Variants in ALMS1 observed in about 807,000 individuals in gnomAD.
ALMS1 encodes centrosome-associated protein ALMS1.
ALMS1 carries 271 observed loss-of-function variants against 352.2 expected under a neutral mutation model. The ratio of observed to expected loss-of-function variants is 0.77; its 90% CI spans 0.70 to 0.85. The LOEUF is 0.85. Among genes scored for constraint, ALMS1 ranks in the 40% least tolerant of loss-of-function variants. The probability of loss-of-function intolerance (pLI) is 0.00; values close to 1 mark genes in which losing one functional copy is unlikely to be tolerated. For missense variants in ALMS1, 5,445 were observed against 4,870.7 expected, an observed-to-expected ratio of 1.12 and a Z score of -3.51; for synonymous variants, 1,865 against 1,761.2, an observed-to-expected ratio of 1.06 and a Z score of -1.48.
intron 9 of ALMS1, among the ~76,000 whole-genome samples, chr2:73,464,414 C>T (rs1012741655): frequency 9.2e-5 from 14 of 152,166 alleles, no homozygotes; most frequent in African/African-American, 3.1e-4. Context: ...GCTAGAAACT[C>T]TCAATAAATG....
intron 11 of ALMS1, among the ~76,000 whole-genome samples, chr2:73,526,775 T>G (rs1041613887): frequency 6.6e-6 from 1 of 152,170 alleles, no homozygotes; most frequent in South Asian, 2.1e-4. Flanking sequence ...TTCTCTTGTC[T>G]GATTGCTCGA....
At chr2:73,540,393 T>C (rs1014295454) in intron 12 of ALMS1, among the ~76,000 whole-genome samples, 44 of 152,238 alleles carry the variant, frequency 2.9e-4, no homozygotes, top group Admixed American at 1.3e-3. Context: ...AAGGAACAAC[T>C]GGTACCAGCC....
At chr2:73,492,143 T>C (rs558435549) in intron 10 of ALMS1, among the ~76,000 whole-genome samples, 15 of 152,364 alleles carry the variant, frequency 9.8e-5, no homozygotes, top group African/African-American at 1.4e-4. Context: ...AGCCCAATTT[T>C]AGCACATTGC....
chr2:73,602,074 G>A, intron 19 of ALMS1, 111 bp from the exon 20 acceptor site: 1 of 1,129,912 alleles, frequency 8.9e-7, no homozygotes, highest in Non-Finnish European at 1.3e-6. Context: ...CTCGGCATTT[G>A]AATCAGACTT....
chr2:73,483,645 G>A (rs953380919), intron 9 of ALMS1, among the ~76,000 whole-genome samples: 26 of 151,232 alleles, frequency 1.7e-4, no homozygotes, highest in African/African-American at 5.4e-4. Flanking sequence ...TTTCTGTCTC[G>A]TTGATCTGTC....
At chr2:73,597,555 T>A (rs1351681805) in intron 16 of ALMS1, among the ~76,000 whole-genome samples, 1 of 152,198 alleles carries the variant, frequency 6.6e-6, no homozygotes, top group African/African-American at 2.4e-5. Flanking sequence ...TTCCCTTTTT[T>A]AAGGAGAAAA....
At chr2:73,543,029 T>C (rs1436843781) in intron 12 of ALMS1, among the ~76,000 whole-genome samples, 1 of 152,064 alleles carries the variant, frequency 6.6e-6, no homozygotes, top group Non-Finnish European at 1.5e-5. Flanking sequence ...AAAGTTCATA[T>C]GGAACAAAAA....
At chr2:73,552,258 C>T (rs936942451) in intron 13 of ALMS1, among the ~76,000 whole-genome samples, 1 of 152,106 alleles carries the variant, frequency 6.6e-6, no homozygotes, top group African/African-American at 2.4e-5. Context: ...TTATAAATCC[C>T]TTTTGAAATA....
At chr2:73,443,761 G>A (rs1349218248) in intron 7 of ALMS1, among the ~76,000 whole-genome samples, 3 of 152,106 alleles carry the variant, frequency 2.0e-5, no homozygotes, top group Admixed American at 1.3e-4. Context: ...ACTGGGGGAG[G>A]GGTAGAATAA....
At position 73,449,685 on chromosome 2, in the gene ALMS1, G is replaced by A. The variant is rs1181119258; in HGVS notation, c.3158G>A (p.Arg1053Lys). 1 of 1,614,042 alleles carries A rather than the reference G, an allele frequency of 6.2e-7. No homozygotes were observed. Among genetic ancestry groups the A allele is most frequent in the East Asian group, 2.2e-5 (1 of 44,880 alleles). Reference protein sequence around the residue: ...PAVQSSSYPQREKPSVLYPQV... With the variant: ...PAVQSSSYPQKEKPSVLYPQV... ...GTACAGTCTAGTTCTTACCCACAGA[G>A]GGAGAAGCCTAGTGTTTTGTACCCA... Residue 1053 changes from arginine to lysine, a missense_variant, in exon 8 of 23, where the codon AGG becomes AAG. Physicochemically the swap from Arg to Lys is conservative, Grantham distance 26. Transcript: ENST00000613296.
chr2:73,587,034 AGTT>A (rs1330291607), intron 16 of ALMS1, among the ~76,000 whole-genome samples: 1 of 151,480 alleles, frequency 6.6e-6, no homozygotes, highest in East Asian at 1.9e-4. Context: ...TTTGTTTTGC[AGTT>A]GTTGTAAAAG....
chr2:73,461,223 A>G (rs754234359), intron 9 of ALMS1, among the ~76,000 whole-genome samples: 41 of 152,104 alleles, frequency 2.7e-4, no homozygotes, highest in Non-Finnish European at 5.7e-4. Flanking sequence ...ACGACCGGGT[A>G]CTCCTCTGAG....
At chr2:73,433,205 A>T (rs1671545826) in intron 7 of ALMS1, among the ~76,000 whole-genome samples, 1 of 152,206 alleles carries the variant, frequency 6.6e-6, no homozygotes, top group South Asian at 2.1e-4. Context: ...TAATATTGTC[A>T]GCCTGTATAG....
chr2:73,408,737 G>A lies in ALMS1; in HGVS notation c.440G>A (p.Gly147Glu). The part of the protein sequence containing the change: ...CLETTAQRGS[G>E]DDQKTESWHC... The stretch of plus-strand genomic sequence containing the variant: ...GAAACAACAGCTCAGCGGGGTTCTG[G>A]GGATGATCAGGTATGTCTTCTGTAA... The change falls in exon 2 of 23, where the codon GGG becomes GAG. Residue 147 changes from glycine (G) to glutamate (E), a missense_variant. By Grantham distance (98) the Gly-to-Glu change is moderately conservative. Transcript: ENST00000613296. The A allele has an allele frequency of 6.2e-7, 1 of 1,613,066 alleles. No homozygotes were observed. The highest frequency in any genetic ancestry group is 8.5e-7 in the Non-Finnish European group (1 of 1,179,688).
At chr2:73,554,796 A>G (rs1674510004) in intron 13 of ALMS1, among the ~76,000 whole-genome samples, 1 of 152,212 alleles carries the variant, frequency 6.6e-6, no homozygotes, top group Non-Finnish European at 1.5e-5. Context: ...GGGTAAGGTT[A>G]TATACACTTG....
At chr2:73,577,112 C>A (rs984054109) in intron 16 of ALMS1, among the ~76,000 whole-genome samples, 1 of 152,136 alleles carries the variant, frequency 6.6e-6, no homozygotes, top group African/African-American at 2.4e-5. Context: ...TCTATAGTTT[C>A]TTTGTGATAT....
At chr2:73,571,585 T>C (rs1243037151) in intron 15 of ALMS1, among the ~76,000 whole-genome samples, 1 of 152,118 alleles carries the variant, frequency 6.6e-6, no homozygotes, top group Non-Finnish European at 1.5e-5. Flanking sequence ...AATACTATTA[T>C]ATTGGGGATT....
intron 7 of ALMS1, among the ~76,000 whole-genome samples, chr2:73,443,767 A>C (rs1671759985): frequency 6.6e-6 from 1 of 152,182 alleles, no homozygotes; most frequent in African/African-American, 2.4e-5. Context: ...GGAGGGGTAG[A>C]ATAAGATGGT....
Position 73,449,311 on chromosome 2 carries a change from TGAA to T in ALMS1, c.2789_2791del (p.Glu930del), listed in dbSNP as rs1178659394. On this transcript the variant is annotated inframe_deletion, in exon 8 of 23. Transcript: ENST00000613296. ...AGACCCTGCCAGACTTTCTTTTCCC[TGAA>T]GAAGCTCTGAAGGTTTCAGCTGTTT... is the stretch of plus-strand genomic sequence containing the variant. The T allele has an allele frequency of 2.5e-6, 4 of 1,614,014 alleles. No individual in the cohort carries two copies.
Sources: gnomAD v4.1 joint callset for allele counts (sites outside exome capture counted in the v4.1 genomes callset) on GRCh38, gnomAD v4.1.1 for gene constraint, MANE v1.5 for transcripts, NCBI Gene and HGNC (gene_info 2026-07-23, HGNC 2026-07-21) for gene names.